SEMA3A: variants seen among roughly 807,000 people sequenced by gnomAD.
The protein encoded by SEMA3A is semaphorin 3A.
In SEMA3A, 29 loss-of-function variants were observed where a neutral mutation model predicts 97.9. The ratio of observed to expected loss-of-function variants is 0.30; its 90% CI spans 0.22 to 0.40. The LOEUF (loss-of-function observed/expected upper bound fraction) is 0.40. Among genes scored for constraint, SEMA3A ranks in the 10% least tolerant of loss-of-function variants. The probability of loss-of-function intolerance (pLI) is 1.00; values close to 1 mark genes in which losing one functional copy is unlikely to be tolerated. For missense variants in SEMA3A, 763 were observed against 951.3 expected (o/e 0.80, Z 2.60); for synonymous variants, 321 against 323.7 (o/e 0.99, Z 0.09).
At chr7:84,085,355 C>T (rs553890982) in intron 4 of SEMA3A, among the ~76,000 whole-genome samples, 40 of 150,586 alleles carry the variant, frequency 2.7e-4, no homozygotes, top group Non-Finnish European at 4.4e-4. Flanking sequence ...TATCATATTA[C>T]ACAGGGATTT....
intron 3 of SEMA3A, among the ~76,000 whole-genome samples, chr7:84,226,768 A>G (rs1375884533): frequency 6.6e-6 from 1 of 152,138 alleles, no homozygotes; most frequent in Non-Finnish European, 1.5e-5. Context: ...TGAAGTTCAA[A>G]AAGCAAGATA....
At chr7:84,193,555 C>T (rs1300019512) in intron 1 of SEMA3A, among the ~76,000 whole-genome samples, 1 of 151,948 alleles carries the variant, frequency 6.6e-6, no homozygotes, top group Non-Finnish European at 1.5e-5. Context: ...TTTAATAATA[C>T]CTGAGTTATA....
At chr7:84,472,149 A>T (rs182336158) in intron 1 of SEMA3A, among the ~76,000 whole-genome samples, 1 of 152,256 alleles carries the variant, frequency 6.6e-6, no homozygotes, top group African/African-American at 2.4e-5. Flanking sequence ...GTGTGAGTGT[A>T]TGTGATTACA....
intron 4 of SEMA3A, among the ~76,000 whole-genome samples, chr7:84,100,343 T>C (rs921714121): frequency 6.6e-6 from 1 of 151,924 alleles, no homozygotes; most frequent in Non-Finnish European, 1.5e-5. Flanking sequence ...GGTGCTGGAA[T>C]GTCCTTTTAA....
At chr7:84,280,638 G>T (rs140671011) in intron 3 of SEMA3A, among the ~76,000 whole-genome samples, 217 of 152,050 alleles carry the variant, frequency 1.4e-3, no homozygotes, top group African/African-American at 5.1e-3. Flanking sequence ...ACAAAAATTA[G>T]CTGGGCATAG....
intron 1 of SEMA3A, among the ~76,000 whole-genome samples, chr7:84,162,129 T>C (rs977802380): frequency 6.6e-6 from 1 of 152,202 alleles, no homozygotes; most frequent in African/African-American, 2.4e-5. Context: ...AGGATAAGCA[T>C]ATGTTTTGAT....
At chr7:84,486,859 T>A (rs920336037) in intron 1 of SEMA3A, among the ~76,000 whole-genome samples, 1 of 152,098 alleles carries the variant, frequency 6.6e-6, no homozygotes, top group Non-Finnish European at 1.5e-5. Context: ...TTATGTAGCA[T>A]GTAAAATTCA....
intron 13 of SEMA3A, among the ~76,000 whole-genome samples, chr7:83,984,706 A>G (rs1789559944): frequency 6.7e-6 from 1 of 149,070 alleles, no homozygotes; most frequent in African/African-American, 2.5e-5. Flanking sequence ...CATTAAAACT[A>G]TATTTGTTTA....
intron 1 of SEMA3A, among the ~76,000 whole-genome samples, chr7:84,160,033 G>T (rs939489854): frequency 3.3e-5 from 5 of 152,064 alleles, no homozygotes; most frequent in African/African-American, 1.2e-4. Flanking sequence ...CTCAAAATAT[G>T]ATTGATTTTA....
At chr7:84,270,145 T>C (rs1456709143) in intron 3 of SEMA3A, among the ~76,000 whole-genome samples, 3 of 152,134 alleles carry the variant, frequency 2.0e-5, no homozygotes, top group Admixed American at 2.0e-4. Context: ...CCTGCTAATC[T>C]GGTAGGCCAT....
chr7:84,037,514 G>C (rs936686375), intron 6 of SEMA3A, among the ~76,000 whole-genome samples: 5 of 152,106 alleles, frequency 3.3e-5, no homozygotes, highest in Admixed American at 3.3e-4. Flanking sequence ...TATTTGTAGA[G>C]ATTATTATTT....
intron 2 of SEMA3A, among the ~76,000 whole-genome samples, chr7:84,368,195 T>C (rs1476833218): frequency 1.3e-5 from 2 of 151,240 alleles, no homozygotes; most frequent in African/African-American, 4.8e-5. Context: ...ACTTTAAAAA[T>C]GGTCTGCAGA....
chr7:84,375,235 A>T (rs932731525), intron 1 of SEMA3A, among the ~76,000 whole-genome samples: 1 of 152,018 alleles, frequency 6.6e-6, no homozygotes, highest in African/African-American at 2.4e-5. Context: ...GGCTAGGCTG[A>T]TCTCGAACTT....
chr7:84,165,485 T>C (rs1325992506), intron 1 of SEMA3A, among the ~76,000 whole-genome samples: 3 of 149,060 alleles, frequency 2.0e-5, no homozygotes, highest in Non-Finnish European at 4.5e-5. Flanking sequence ...TTTTCTGTTC[T>C]AGTGAAAAAA....
chr7:84,193,005 T>C (rs534967332), intron 1 of SEMA3A, among the ~76,000 whole-genome samples: 188 of 152,028 alleles, frequency 1.2e-3, no homozygotes, highest in Non-Finnish European at 2.2e-3. Context: ...TCATATACTA[T>C]GGAAATAATT....
At chr7:84,008,242 G>A (rs551492021) in intron 9 of SEMA3A, among the ~76,000 whole-genome samples, 5 of 152,090 alleles carry the variant, frequency 3.3e-5, no homozygotes, top group South Asian at 2.1e-4. Context: ...CTGTAATACC[G>A]GCACTTTGGG....
In SEMA3A at chr7:84,429,516, TTATATATATATATATATA is replaced by T. The variant is rs10523978; in HGVS notation, c.-245-57634_-245-57617del. Among the ~76,000 whole-genome samples the T allele has an allele frequency of 4.3e-4, 31 of 72,390 alleles. 4 individuals are homozygous for T. The highest frequency in any genetic ancestry group is 5.8e-4 in the South Asian group (1 of 1,732). 47.5% of individuals were successfully genotyped at this position (72,390 alleles called of 152,430 possible). On this transcript the variant is annotated intron_variant, in intron 1 of 3. Transcript: ENST00000424555. The stretch of plus-strand genomic sequence containing the variant: ...TTGCATTAGTAAAATATAGAGTTTG[TTATATATATATATATATA>T]TATATATATATATAGCGAGAGAGAG...
At chr7:84,311,865 T>C (rs73711515) in intron 2 of SEMA3A, among the ~76,000 whole-genome samples, 2,796 of 151,994 alleles carry the variant, frequency 0.018, 91 homozygotes, top group African/African-American at 0.064. Context: ...TACAGACAAT[T>C]GTAATGAAGT....
chr7:84,193,491 A>G (rs904864099), intron 1 of SEMA3A, among the ~76,000 whole-genome samples: 1 of 152,068 alleles, frequency 6.6e-6, no homozygotes, highest in Admixed American at 6.6e-5. Flanking sequence ...TAAGAAATCA[A>G]CACCTTAGGG....
Sources: gnomAD v4.1 joint callset for allele counts (sites outside exome capture counted in the v4.1 genomes callset) on GRCh38, gnomAD v4.1.1 for gene constraint, MANE v1.5 for transcripts, NCBI Gene and HGNC (gene_info 2026-07-23, HGNC 2026-07-21) for gene names.